Variants in PALM2AKAP2 observed in about 807,000 individuals in gnomAD.
PALM2AKAP2 encodes PALM2 and AKAP2 fusion, also known as PALM2-AKAP2 fusion protein.
PALM2AKAP2 carries 37 observed loss-of-function variants against 71.5 expected under a neutral mutation model. The observed-to-expected ratio is 0.52, with a 90% CI of 0.40 to 0.68. PALM2AKAP2 has a LOEUF of 0.68. Among genes scored for constraint, PALM2AKAP2 ranks in the 30% least tolerant of loss-of-function variants. PALM2AKAP2 has a pLI of 0.00. For missense variants in PALM2AKAP2, 1,224 were observed against 1,191.8 expected, an observed-to-expected ratio of 1.03 and a Z score of -0.40; for synonymous variants, 468 against 478.8, an observed-to-expected ratio of 0.98 and a Z score of 0.29.
intron 1 of PALM2AKAP2, among the ~76,000 whole-genome samples, chr9:110,128,233 A>G (rs1214320185): frequency 6.6e-6 from 1 of 152,188 alleles, no homozygotes; most frequent in Non-Finnish European, 1.5e-5. Flanking sequence ...ATTTGCCTTC[A>G]TGCTGGAGAC....
At chr9:109,816,196 T>A (rs10759370) in intron 1 of PALM2AKAP2, among the ~76,000 whole-genome samples, 24,707 of 152,126 alleles carry the variant, frequency 0.16, 2,645 homozygotes, top group East Asian at 0.35. Context: ...TATGTAGGTG[T>A]TTGATCTTGG....
chr9:110,095,788 G>C (rs1834822049), intron 1 of PALM2AKAP2, among the ~76,000 whole-genome samples: 1 of 152,206 alleles, frequency 6.6e-6, no homozygotes, highest in Non-Finnish European at 1.5e-5. Flanking sequence ...GGCCATAGCA[G>C]AGGAAAAGTG....
intron 1 of PALM2AKAP2, among the ~76,000 whole-genome samples, chr9:109,708,554 G>C (rs1828179201): frequency 6.6e-6 from 1 of 152,142 alleles, no homozygotes; most frequent in African/African-American, 2.4e-5. Context: ...GCAAAGCCAT[G>C]TGCACCGCCA....
At chr9:110,016,072 T>G (rs376821344) in intron 7 of PALM2AKAP2, 33 bp downstream of exon 7, 1 of 1,602,202 alleles carries the variant, frequency 6.2e-7, no homozygotes, top group Non-Finnish European at 8.5e-7. Flanking sequence ...ATTCTCAAAG[T>G]GTATCTCTAG....
At chr9:109,788,089 A>G (rs1827015905) in intron 1 of PALM2AKAP2, among the ~76,000 whole-genome samples, 1 of 152,240 alleles carries the variant, frequency 6.6e-6, no homozygotes, top group Non-Finnish European at 1.5e-5. Context: ...CACTGACATT[A>G]TTGAAACTCA....
At chr9:110,104,306 G>T (rs903142063) in intron 1 of PALM2AKAP2, among the ~76,000 whole-genome samples, 1 of 151,964 alleles carries the variant, frequency 6.6e-6, no homozygotes, top group African/African-American at 2.4e-5. Context: ...AATTGAAACT[G>T]GTCCAGATGA....
At chr9:110,016,911 T>G (rs1050663693) in intron 7 of PALM2AKAP2, among the ~76,000 whole-genome samples, 3 of 152,118 alleles carry the variant, frequency 2.0e-5, no homozygotes, top group Non-Finnish European at 1.5e-5. Context: ...ACGGAGTCTC[T>G]CTCTTTTGCC....
intron 1 of PALM2AKAP2, among the ~76,000 whole-genome samples, chr9:109,663,752 C>G (rs1014844427): frequency 2.6e-5 from 4 of 152,174 alleles, no homozygotes; most frequent in Non-Finnish European, 5.9e-5. Context: ...TGTTAACCTT[C>G]CATCTCATTG....
In PALM2AKAP2 at chr9:110,048,735, TCCCCCGGAGTCTCCTGGA is replaced by T. The variant is rs879255366; in HGVS notation, c.64_81del (p.Ser22_Glu27del). 0.056 allele frequency: 86,804 copies of T among 1,538,218 alleles called. 2,885 individuals carry two copies. The highest frequency in any genetic ancestry group is 0.099 in the South Asian group (8,333 of 84,304). On this transcript the variant is annotated inframe_deletion, in exon 1 of 4. Transcript: ENST00000374525. ...CCCAGCCCGGGGCTGCCGCTCGCCT[TCCCCCGGAGTCTCCTGGA>T]CCCCCGGAGTCTCCTGGACCCCCGG...
chr9:109,923,113 G>A (rs1346500586), intron 3 of PALM2AKAP2, among the ~76,000 whole-genome samples: 1 of 152,166 alleles, frequency 6.6e-6, no homozygotes, highest in Non-Finnish European at 1.5e-5. Flanking sequence ...GAGTCTCCTG[G>A]CAGTGCTGAA....
At chr9:109,773,834 T>C (rs773577335) in intron 1 of PALM2AKAP2, among the ~76,000 whole-genome samples, 2 of 44,666 alleles carry the variant, frequency 4.5e-5, no homozygotes, top group Non-Finnish European at 7.0e-5. Context: ...CACACATTAG[T>C]AATGAGCAAT....
At chr9:110,068,890 G>C (rs944921274) in intron 1 of PALM2AKAP2, among the ~76,000 whole-genome samples, 1 of 152,202 alleles carries the variant, frequency 6.6e-6, no homozygotes, top group African/African-American at 2.4e-5. Context: ...GGGTTAACAA[G>C]GTGCCAGAGA....
At chr9:109,939,795 C>T (rs758371382) in intron 6 of PALM2AKAP2, among the ~76,000 whole-genome samples, 79 of 152,182 alleles carry the variant, frequency 5.2e-4, no homozygotes, top group Admixed American at 2.6e-3. Flanking sequence ...TGTCCATGCA[C>T]CTCTATGACA....
intron 1 of PALM2AKAP2, among the ~76,000 whole-genome samples, chr9:109,836,245 G>T (rs1773708): frequency 5.7e-4 from 87 of 151,976 alleles, no homozygotes; most frequent in African/African-American, 3.9e-4. Flanking sequence ...CTGCAGCCTC[G>T]GCTGCTGATA....
At chr9:110,134,633 G>C (rs755336104) in intron 1 of PALM2AKAP2, among the ~76,000 whole-genome samples, 2 of 152,152 alleles carry the variant, frequency 1.3e-5, no homozygotes, top group Non-Finnish European at 2.9e-5. Flanking sequence ...TGTTTTCTTA[G>C]GTCTCAAGAA....
intron 6 of PALM2AKAP2, among the ~76,000 whole-genome samples, chr9:109,984,289 T>C (rs1051185315): frequency 2.0e-5 from 3 of 152,204 alleles, no homozygotes; most frequent in Non-Finnish European, 4.4e-5. Flanking sequence ...AGATCAAATA[T>C]TTTATTTCCA....
intron 1 of PALM2AKAP2, among the ~76,000 whole-genome samples, chr9:110,119,188 C>T (rs1027500428): frequency 2.6e-5 from 4 of 151,700 alleles, no homozygotes; most frequent in African/African-American, 9.7e-5. Context: ...ACTAAAAATA[C>T]AAAAATTAGC....
intron 3 of PALM2AKAP2, among the ~76,000 whole-genome samples, chr9:109,885,608 G>A (rs1389405090): frequency 9.2e-5 from 14 of 152,102 alleles, no homozygotes; most frequent in Admixed American, 9.2e-4. Flanking sequence ...TAAGAAAACT[G>A]GCTTCACACA....
chr9:109,920,380 T>G (rs1830800879), intron 3 of PALM2AKAP2, among the ~76,000 whole-genome samples: 1 of 151,754 alleles, frequency 6.6e-6, no homozygotes, highest in Admixed American at 6.6e-5. Context: ...AATCTTTTTT[T>G]TTTTTTTTTG....
Sources: allele counts gnomAD v4.1 joint callset (sites outside exome capture counted in the v4.1 genomes callset), GRCh38; gene constraint gnomAD v4.1.1; transcripts MANE v1.5; gene names NCBI Gene and HGNC (gene_info 2026-07-23, HGNC 2026-07-21).